The following PLCH1 variants were observed in gnomAD, a reference collection of about 807,000 sequenced individuals.
PLCH1 encodes the protein 1-phosphatidylinositol 4,5-bisphosphate phosphodiesterase eta-1.
Under a neutral mutation model 126.7 loss-of-function variants are expected in PLCH1, and 60 were observed. That is an observed-to-expected ratio of 0.47 (90% CI 0.38 to 0.59). PLCH1 has a LOEUF of 0.59. PLCH1 is among the 20% of genes least tolerant of loss of function. The pLI, the probability that PLCH1 is intolerant of heterozygous loss-of-function variation, is 0.00. For missense variants in PLCH1, 1,723 were observed against 2,040.0 expected, an observed-to-expected ratio of 0.84 and a Z score of 2.99; for synonymous variants, 719 against 734.9, an observed-to-expected ratio of 0.98 and a Z score of 0.35.
chr3:155,510,978 C>A (rs1194427698), intron 12 of PLCH1, among the ~76,000 whole-genome samples: 1 of 125,810 alleles, frequency 7.9e-6, no homozygotes, highest in Admixed American at 7.9e-5. Context: ...TTCTCCACAT[C>A]ACTTTCAGGT....
In PLCH1 at chr3:155,525,642, C is replaced by T. The variant is rs1721795388; in HGVS notation, c.1363-1638G>A. Among the ~76,000 whole-genome samples, 3 of 152,274 alleles carry T rather than the reference C, an allele frequency of 2.0e-5. No homozygotes were observed. In the South Asian group the frequency reaches 6.2e-4, roughly 32 times the overall value. On this transcript the variant is annotated intron_variant, in intron 10 of 22. Coordinates refer to ENST00000460012, the MANE Select transcript of PLCH1 (RefSeq NM_014996.4). ...TGCCTCACTTTGCATTTCACAAGCC[C>T]CTCTTTCACAGACAATGCAGCGAGA...
At chr3:155,493,405 T>G (rs1312649664) in intron 17 of PLCH1, among the ~76,000 whole-genome samples, 2 of 152,224 alleles carry the variant, frequency 1.3e-5, no homozygotes, top group East Asian at 3.8e-4. Context: ...TTGTTTCTTT[T>G]GAGATGGAGT....
intron 10 of PLCH1, among the ~76,000 whole-genome samples, chr3:155,534,733 A>G (rs1362078598): frequency 6.6e-6 from 1 of 152,130 alleles, no homozygotes; most frequent in Non-Finnish European, 1.5e-5. Context: ...GTGGGAGGTA[A>G]TTGGATCATG....
At chr3:155,706,732 T>C (rs1746703351) in intron 1 of PLCH1, among the ~76,000 whole-genome samples, 1 of 152,044 alleles carries the variant, frequency 6.6e-6, no homozygotes, top group Non-Finnish European at 1.5e-5. Context: ...AACAATAAAA[T>C]CAGCTGGAAA....
intron 2 of PLCH1, among the ~76,000 whole-genome samples, chr3:155,605,962 T>C (rs958952468): frequency 2.0e-5 from 3 of 151,368 alleles, no homozygotes; most frequent in African/African-American, 7.3e-5. Flanking sequence ...AATATCTTCG[T>C]GGGAGGGAAA....
At chr3:155,528,778 A>G (rs61570538) in intron 10 of PLCH1, among the ~76,000 whole-genome samples, 2,858 of 152,312 alleles carry the variant, frequency 0.019, 95 homozygotes, top group African/African-American at 0.065. Context: ...AGGTAAGGAC[A>G]CAGAACTAAG....
intron 1 of PLCH1, among the ~76,000 whole-genome samples, chr3:155,711,267 T>C (rs1747109108): frequency 6.6e-6 from 1 of 152,186 alleles, no homozygotes; most frequent in Non-Finnish European, 1.5e-5. Context: ...TTATAAGTGA[T>C]AAGTAACTTT....
At chr3:155,540,215 C>T (rs183054155) in intron 10 of PLCH1, among the ~76,000 whole-genome samples, 13 of 152,314 alleles carry the variant, frequency 8.5e-5, no homozygotes, top group Admixed American at 4.6e-4. Flanking sequence ...GGATCCTCAT[C>T]TCTCACCTTC....
chr3:155,558,761 T>A lies in PLCH1; in HGVS notation c.1070-4565A>T, dbSNP rs534743293. 2.0e-5 allele frequency among the ~76,000 whole-genome samples: 3 copies of A among 152,212 alleles called. No homozygotes were observed. The South Asian group carries it at 6.2e-4, about 32-fold the overall frequency. ...CTCTCTGGAATTTCTATTTAATATT[T>A]TCGGGGTGCAGCTGACCATGGCTAA... On this transcript the variant is annotated intron_variant, in intron 8 of 22. Transcript: ENST00000460012.
intron 2 of PLCH1, among the ~76,000 whole-genome samples, chr3:155,673,218 C>T (rs1242827206): frequency 6.6e-6 from 1 of 151,980 alleles, no homozygotes; most frequent in Non-Finnish European, 1.5e-5. Flanking sequence ...AATGTCACCT[C>T]CAGAAATCCT....
chr3:155,501,744 G>A (rs1717938317), intron 13 of PLCH1, among the ~76,000 whole-genome samples: 2 of 151,090 alleles, frequency 1.3e-5, no homozygotes, highest in Admixed American at 6.6e-5. Context: ...GCAGCGAGCC[G>A]AGATCCCACC....
chr3:155,712,645 C>A (rs1474261124), intron 1 of PLCH1, among the ~76,000 whole-genome samples: 1 of 152,034 alleles, frequency 6.6e-6, no homozygotes, highest in Non-Finnish European at 1.5e-5. Context: ...GAGGCTGAGG[C>A]AGGAGAATTT....
chr3:155,623,181 AAAAT>A (rs200426440), intron 2 of PLCH1, among the ~76,000 whole-genome samples: 16,338 of 152,090 alleles, frequency 0.11, 1,111 homozygotes, highest in Non-Finnish European at 0.16. Context: ...AATTAAGGGA[AAAAT>A]AAATATGTTC....
chr3:155,731,573 C>A (rs757597451), intron 1 of PLCH1, among the ~76,000 whole-genome samples: 10 of 152,134 alleles, frequency 6.6e-5, no homozygotes, highest in African/African-American at 9.7e-5. Flanking sequence ...TGCCCAGAAT[C>A]TTTGGAAGGG....
intron 2 of PLCH1, among the ~76,000 whole-genome samples, chr3:155,693,885 G>C (rs1745602172): frequency 6.6e-6 from 1 of 151,658 alleles, no homozygotes; most frequent in South Asian, 2.1e-4. Flanking sequence ...AGCCAAGATG[G>C]GGCCATCGCA....
chr3:155,653,229 G>A (rs1373786315), intron 2 of PLCH1, among the ~76,000 whole-genome samples: 1 of 152,094 alleles, frequency 6.6e-6, no homozygotes, highest in Non-Finnish European at 1.5e-5. Context: ...GTGTTGCCCA[G>A]GCTGGTCTCA....
chr3:155,647,532 C>T (rs1460747420), intron 2 of PLCH1, among the ~76,000 whole-genome samples: 1 of 151,760 alleles, frequency 6.6e-6, no homozygotes, highest in Admixed American at 6.6e-5. Context: ...TTAGATCAGA[C>T]AGAAAAAAGA....
At chr3:155,634,238 C>A (rs1041843965) in intron 2 of PLCH1, among the ~76,000 whole-genome samples, 1 of 152,174 alleles carries the variant, frequency 6.6e-6, no homozygotes, top group Admixed American at 6.5e-5. Flanking sequence ...AAGAGCCTGG[C>A]CTTCACAGCC....
At chr3:155,524,851 T>C (rs1721694413) in intron 10 of PLCH1, among the ~76,000 whole-genome samples, 1 of 152,142 alleles carries the variant, frequency 6.6e-6, no homozygotes, top group Non-Finnish European at 1.5e-5. Context: ...CCTCTGTCTC[T>C]ACAAAAAATA....
Sources: allele counts gnomAD v4.1 joint callset (sites outside exome capture counted in the v4.1 genomes callset), GRCh38; gene constraint gnomAD v4.1.1; transcripts MANE v1.5; gene names NCBI Gene and HGNC (gene_info 2026-07-23, HGNC 2026-07-21).